MICAL2: variants seen among roughly 807,000 people sequenced by gnomAD.
MICAL2 encodes the protein [F-actin]-monooxygenase MICAL2.
A neutral mutation model predicts 127.3 loss-of-function variants in MICAL2; 77 were observed. That is an observed-to-expected ratio of 0.60 (90% CI 0.50 to 0.73). The LOEUF is 0.73. Ranked by LOEUF, MICAL2 falls within the 30% of genes least tolerant of loss-of-function variation. The pLI, the probability that MICAL2 is intolerant of heterozygous loss-of-function variation, is 0.00. For synonymous variants in MICAL2, 570 were observed against 551.1 expected (o/e 1.03, Z -0.48); for missense variants, 1,351 against 1,434.4 (o/e 0.94, Z 0.94).
At chr11:12,358,271 A>G in intron 34 of MICAL2, 1 of 1,609,844 alleles carries the variant, frequency 6.2e-7, no homozygotes, top group Non-Finnish European at 8.5e-7. Context: ...CTCTGAGCCC[A>G]GTGGTTTTCT....
chr11:12,318,399 C>A (rs947327656), intron 29 of MICAL2, among the ~76,000 whole-genome samples: 6 of 152,210 alleles, frequency 3.9e-5, no homozygotes, highest in Non-Finnish European at 8.8e-5. Context: ...CCTGAGCTTT[C>A]CATCTGGCAA....
At chr11:12,240,102 C>A (rs1859667790) in intron 17 of MICAL2, among the ~76,000 whole-genome samples, 1 of 152,226 alleles carries the variant, frequency 6.6e-6, no homozygotes, top group Non-Finnish European at 1.5e-5. Context: ...TGAGTCTGAG[C>A]TCACAGTATT....
chr11:12,293,594 A>G, downstream of MICAL2: 1 of 1,613,694 alleles, frequency 6.2e-7, no homozygotes, highest in Non-Finnish European at 8.5e-7. Context: ...GCAAGTCTCG[A>G]GAGGTCATCC....
intron 32 of MICAL2, among the ~76,000 whole-genome samples, chr11:12,340,169 C>T (rs1590745041): frequency 1.3e-5 from 2 of 152,116 alleles, no homozygotes; most frequent in African/African-American, 4.8e-5. Context: ...AAAAAAGAAT[C>T]AGCATTCTAG....
chr11:12,294,952 G>T (rs1280263641), downstream of MICAL2: 2 of 1,355,084 alleles, frequency 1.5e-6, no homozygotes, highest in Non-Finnish European at 1.9e-6. Context: ...ACTTCGTTTT[G>T]CTTCTCAAAT....
intron 4 of MICAL2, 72 bp downstream of exon 4, chr11:12,204,529 C>A: frequency 6.9e-7 from 1 of 1,454,176 alleles, no homozygotes; most frequent in Non-Finnish European, 9.5e-7. Context: ...CTCTCCAGGT[C>A]TAGGAGTCCC....
downstream of MICAL2, among the ~76,000 whole-genome samples, chr11:12,288,430 G>A (rs1413821347): frequency 6.6e-6 from 1 of 152,224 alleles, no homozygotes; most frequent in Non-Finnish European, 1.5e-5. Flanking sequence ...GAGCAGGGAG[G>A]CTGGTGGGAG....
At chr11:12,236,136 G>T (rs764187790) in intron 15 of MICAL2, 41 bp from the exon 16 acceptor site, 1 of 1,574,104 alleles carries the variant, frequency 6.4e-7, no homozygotes, top group Non-Finnish European at 8.7e-7. Flanking sequence ...TGAAGCCCTT[G>T]GTGGCCCCCA....
intron 1 of MICAL2, among the ~76,000 whole-genome samples, chr11:12,115,740 G>A (rs1184360502): frequency 6.6e-6 from 1 of 151,954 alleles, no homozygotes; most frequent in East Asian, 1.9e-4. Flanking sequence ...AAAATTTTTT[G>A]TAGGACAAAT....
chr11:12,221,162 A>G (rs557962890), intron 9 of MICAL2, among the ~76,000 whole-genome samples: 76 of 152,100 alleles, frequency 5.0e-4, no homozygotes, highest in Non-Finnish European at 9.4e-4. Context: ...CTTCTGGCCC[A>G]GACTCCTTTC....
At chr11:12,286,299 G>C (rs1863826426) in intron 2 of MICAL2, among the ~76,000 whole-genome samples, 1 of 152,240 alleles carries the variant, frequency 6.6e-6, no homozygotes, top group African/African-American at 2.4e-5. Context: ...GCAGAGAGTA[G>C]AACTTCCTGC....
At chr11:12,296,370 AAG>A (rs1223876141), downstream of MICAL2, among the ~76,000 whole-genome samples, 1 of 151,756 alleles carries the variant, frequency 6.6e-6, no homozygotes, top group Non-Finnish European at 1.5e-5. Flanking sequence ...ATAGATTAAC[AAG>A]AGACTTTATT....
At chr11:12,225,001 G>T (rs1441352575) in intron 13 of MICAL2, among the ~76,000 whole-genome samples, 181 bp downstream of exon 13, 1 of 152,120 alleles carries the variant, frequency 6.6e-6, no homozygotes, top group Non-Finnish European at 1.5e-5. Context: ...TTTGATCTGT[G>T]TTCCTAATAT....
At chr11:12,277,805 G>A (rs543882168) in intron 1 of MICAL2, among the ~76,000 whole-genome samples, 13 of 152,188 alleles carry the variant, frequency 8.5e-5, no homozygotes, top group Non-Finnish European at 1.8e-4. Context: ...GTGTGAACAT[G>A]ATAGAGGGCA....
Position 12,186,139 on chromosome 11 carries a change from T to G in MICAL2, c.265-18111T>G, listed in dbSNP as rs1377210154. 2.6e-5 allele frequency among the ~76,000 whole-genome samples: 4 copies of G among 152,226 alleles called. No individual in the cohort carries two copies. In the East Asian group the frequency reaches 7.7e-4, roughly 29 times the overall value. On this transcript the variant is annotated intron_variant, in intron 3 of 27. Transcript: ENST00000683283. ...GGCGCCTGCACTTTTGCTGGAAACT[T>G]GTGGGAAGTGGCTGAGAGCTCTCCA...
In MICAL2 at chr11:12,174,097, A is replaced by AC. The variant is rs1856574653; in HGVS notation, c.264+11678_264+11679insC. 2.0e-5 allele frequency among the ~76,000 whole-genome samples: 3 copies of AC among 152,320 alleles called. No homozygotes were observed. In the South Asian group the frequency reaches 6.2e-4, roughly 32 times the overall value. On this transcript the variant is annotated intron_variant, in intron 3 of 27. Transcript: ENST00000683283. Reference sequence around the variant, plus strand: ...ATTTTATAAAACTTACAGTTGAAAAAAGTAGATTTACATATCCAAGTTATT... The same window carrying AC: ...ATTTTATAAAACTTACAGTTGAAAAACAGTAGATTTACATATCCAAGTTATT...
Position 12,162,243 on chromosome 11 carries a change from C to A in MICAL2, c.88C>A (p.Gln30Lys). Residue 30 changes from glutamine (Q) to lysine (K), a missense_variant, in exon 3 of 28, where the codon CAG (glutamine) becomes AAG (lysine). Gln to Lys is a moderately conservative substitution (Grantham distance 53). Coordinates refer to ENST00000683283, the MANE Select transcript of MICAL2 (RefSeq NM_001282663.2). ...VQASTCKGTL[Q>K]AFNILTRHLD... ...GGCATCCACGTGCAAAGGTACCCTC[C>A]AGGCCTTCAACATTCTCACACGACA... 1 of 1,614,240 alleles carries A rather than the reference C, an allele frequency of 6.2e-7. No individual in the cohort carries two copies. Among genetic ancestry groups the A allele is most frequent in the Non-Finnish European group, 8.5e-7 (1 of 1,180,044 alleles).
chr11:12,264,896 T>G (rs1863557046), downstream of MICAL2, among the ~76,000 whole-genome samples: 1 of 152,206 alleles, frequency 6.6e-6, no homozygotes, highest in South Asian at 2.1e-4. Context: ...CACACCTCCC[T>G]GCACCTTAGA....
chr11:12,157,711 C>G (rs952715308), intron 2 of MICAL2, among the ~76,000 whole-genome samples: 1 of 151,856 alleles, frequency 6.6e-6, no homozygotes, highest in Non-Finnish European at 1.5e-5. Flanking sequence ...AAAAAAAAAT[C>G]CTGACTACGT....
Sources: allele counts gnomAD v4.1 joint callset (sites outside exome capture counted in the v4.1 genomes callset), GRCh38; gene constraint gnomAD v4.1.1; transcripts MANE v1.5; gene names NCBI Gene and HGNC (gene_info 2026-07-23, HGNC 2026-07-21).